Variants in PID1 observed in about 807,000 individuals in gnomAD.
PID1 encodes the protein phosphotyrosine interaction domain containing 1.
A neutral mutation model predicts 19.1 loss-of-function variants in PID1; 10 were observed. That is an observed-to-expected ratio of 0.52 (90% CI 0.32 to 0.89). The LOEUF (loss-of-function observed/expected upper bound fraction) is 0.89, where lower values mean the gene tolerates loss of function less well. PID1 is among the 40% of genes least tolerant of loss of function. The probability of loss-of-function intolerance (pLI) is 0.03; values close to 1 mark genes in which losing one functional copy is unlikely to be tolerated. For missense variants in PID1, 248 were observed against 285.3 expected (o/e 0.87, Z 0.94); for synonymous variants, 130 against 116.0 (o/e 1.12, Z -0.78).
chr2:229,169,853 A>G (rs957738712), intron 1 of PID1, among the ~76,000 whole-genome samples: 1 of 152,234 alleles, frequency 6.6e-6, no homozygotes, highest in African/African-American at 2.4e-5. Context: ...GTTCCAGATG[A>G]CTTAGACAAA....
chr2:229,036,636 T>C (rs1303255181), intron 2 of PID1, among the ~76,000 whole-genome samples: 2 of 152,082 alleles, frequency 1.3e-5, no homozygotes, highest in Admixed American at 6.5e-5. Context: ...TAAACCCATC[T>C]ACTTGGAAGG....
At chr2:229,065,729 A>AAAAAAAAAAAAAAAAAAAAAAAG (rs765746020) in intron 2 of PID1, among the ~76,000 whole-genome samples, 65 of 140,722 alleles carry the variant, frequency 4.6e-4, no homozygotes, top group African/African-American at 1.8e-3. Flanking sequence ...AAAAAAAAAA[A>AAAAAAAAAAAAAAAAAAAAAAAG]AAACAGGTTG....
chr2:229,086,575 G>A (rs779251498), intron 2 of PID1, among the ~76,000 whole-genome samples: 4 of 152,146 alleles, frequency 2.6e-5, no homozygotes, highest in Non-Finnish European at 5.9e-5. Flanking sequence ...AAGAAGGAGA[G>A]AGTAAACTTA....
chr2:229,195,839 G>A (rs564835866), intron 1 of PID1, among the ~76,000 whole-genome samples: 31 of 152,114 alleles, frequency 2.0e-4, no homozygotes, highest in Non-Finnish European at 4.1e-4. Context: ...GAGCATTACA[G>A]AGTCTTAATC....
intron 2 of PID1, among the ~76,000 whole-genome samples, chr2:229,109,820 C>A (rs1401442082): frequency 6.6e-6 from 1 of 152,192 alleles, no homozygotes; most frequent in East Asian, 1.9e-4. Flanking sequence ...TATTGTGTAG[C>A]CAGGGCTGCA....
chr2:229,056,102 G>A (rs1410128501), intron 2 of PID1, among the ~76,000 whole-genome samples: 2 of 152,160 alleles, frequency 1.3e-5, no homozygotes. Flanking sequence ...CATGGGTACT[G>A]TTCCCCATTT....
rs569098181 is a variant in PID1 at position 229,238,356 on chromosome 2, G to A, written c.30+32658C>T. 4.3e-4 allele frequency among the ~76,000 whole-genome samples: 65 copies of A among 152,186 alleles called. 1 individual carries two copies. Among genetic ancestry groups the A allele is most frequent in the South Asian group, 1.5e-3 (7 of 4,822 alleles). The stretch of plus-strand genomic sequence containing the variant: ...GTTTAAAATGCCAAACCATATCATC[G>A]CTCAGTTGATCTTGGAAAGTTTCAA... On this transcript the variant is annotated intron_variant, in intron 1 of 2. Coordinates refer to ENST00000392055, the MANE Select transcript of PID1 (RefSeq NM_001100818.2).
Position 229,092,226 on chromosome 2 carries a change from C to T in PID1, c.177+63592G>A, listed in dbSNP as rs541099143. Among the ~76,000 whole-genome samples, 14 of 112,094 alleles carry T rather than the reference C, an allele frequency of 1.2e-4. 5 individuals carry two copies. The highest frequency in any genetic ancestry group is 8.2e-4 in the African/African-American group (14 of 17,110). 73.5% of individuals were successfully genotyped at this position (112,094 alleles called of 152,430 possible). A position where few individuals can be genotyped will look rare whatever the true frequency, so the allele number is the denominator to read the frequency against. On this transcript the variant is annotated intron_variant, in intron 2 of 2. Transcript: ENST00000392055. Reference sequence around the variant, plus strand: ...TTTAAGCATTTCTTTAGTGCCTGGTCATCCAAGGGTCTCCACTGTACGGTG... The same window carrying T: ...TTTAAGCATTTCTTTAGTGCCTGGTTATCCAAGGGTCTCCACTGTACGGTG...
intron 1 of PID1, among the ~76,000 whole-genome samples, chr2:229,255,865 C>T (rs1317918264): frequency 6.6e-6 from 1 of 152,190 alleles, no homozygotes; most frequent in Admixed American, 6.5e-5. Flanking sequence ...TGGCTCCCCA[C>T]TCCAATCATG....
At chr2:229,170,734 A>G (rs1690695215) in intron 1 of PID1, among the ~76,000 whole-genome samples, 2 of 152,242 alleles carry the variant, frequency 1.3e-5, no homozygotes, top group Non-Finnish European at 2.9e-5. Context: ...ACGCCTCTTC[A>G]TGACAGTCTT....
At chr2:229,071,105 G>A (rs1044602964) in intron 2 of PID1, among the ~76,000 whole-genome samples, 1 of 152,112 alleles carries the variant, frequency 6.6e-6, no homozygotes, top group Non-Finnish European at 1.5e-5. Flanking sequence ...TACCGACAAA[G>A]AGTAGAATAT....
At position 229,142,078 on chromosome 2, in the gene PID1, AC is replaced by A. The variant is rs564788646; in HGVS notation, c.177+13739del. On this transcript the variant is annotated intron_variant, in intron 2 of 2. Coordinates refer to ENST00000392055, the MANE Select transcript of PID1 (RefSeq NM_001100818.2). ...TTATGACCCCGTGTTATTTATTGCC[AC>A]TTTTTGGTCATATCTTATTTGTTAC... Among the ~76,000 whole-genome samples, 25 of 152,066 alleles carry A rather than the reference AC, an allele frequency of 1.6e-4. No individual in the cohort carries two copies. In the South Asian group the frequency reaches 5.0e-3, roughly 30 times the overall value.
chr2:229,154,547 A>T (rs1465929561), intron 2 of PID1, among the ~76,000 whole-genome samples: 1 of 152,178 alleles, frequency 6.6e-6, no homozygotes, highest in Non-Finnish European at 1.5e-5. Context: ...CCGGTCAGAC[A>T]GTGAGCACCC....
At chr2:229,221,161 GTATGC>G (rs1691962321) in intron 1 of PID1, among the ~76,000 whole-genome samples, 7 of 152,112 alleles carry the variant, frequency 4.6e-5, no homozygotes, top group African/African-American at 1.4e-4. Context: ...ACTTGTCTTG[GTATGC>G]CCAAGACTTT....
Position 229,271,017 on chromosome 2 carries a change from C to A in PID1, c.27G>T (p.Leu9=). 6.5e-7 allele frequency: 1 copy of A among 1,543,478 alleles called. No homozygotes were observed. MWQPATER[L]QHFQTMLKSK... Reference sequence around the variant, plus strand: ...CCGGCTCCCGGGTGCCCCTTACCTGCAGGCGCTCCGTGGCCGGCTGCCACA... The same window carrying A: ...CCGGCTCCCGGGTGCCCCTTACCTGAAGGCGCTCCGTGGCCGGCTGCCACA... Residue 9 remains leucine, a synonymous_variant, in exon 1 of 3, where the codon CTG becomes CTT. Transcript: ENST00000392055.
chr2:229,086,009 C>T (rs1182905115), intron 2 of PID1, among the ~76,000 whole-genome samples: 1 of 151,768 alleles, frequency 6.6e-6, no homozygotes, highest in Admixed American at 6.6e-5. Context: ...TTTTATTGAC[C>T]CTGTAATACA....
At chr2:229,199,683 A>AT (rs1487158158) in intron 1 of PID1, among the ~76,000 whole-genome samples, 3 of 149,858 alleles carry the variant, frequency 2.0e-5, no homozygotes, top group Non-Finnish European at 4.4e-5. Context: ...GTTCCATGGA[A>AT]TATATATGTC....
intron 2 of PID1, among the ~76,000 whole-genome samples, chr2:229,063,429 T>C (rs1222735327): frequency 6.6e-6 from 1 of 152,126 alleles, no homozygotes; most frequent in Admixed American, 6.6e-5. Flanking sequence ...ATTTGGGAAT[T>C]CTCCAAAATT....
intron 2 of PID1, among the ~76,000 whole-genome samples, chr2:229,142,004 TG>T (rs1480760193): frequency 1.4e-5 from 2 of 139,776 alleles, no homozygotes; most frequent in Admixed American, 1.4e-4. Context: ...AGGGATGTAA[TG>T]AAAAAAAAAA....
Sources: allele counts gnomAD v4.1 joint callset (sites outside exome capture counted in the v4.1 genomes callset), GRCh38; gene constraint gnomAD v4.1.1; transcripts MANE v1.5; gene names NCBI Gene and HGNC (gene_info 2026-07-23, HGNC 2026-07-21).